RANBP2: variants seen among roughly 807,000 people sequenced by gnomAD.
The protein encoded by RANBP2 is RAN binding protein 2, also known as E3 SUMO-protein ligase RanBP2.
RANBP2 carries 57 observed loss-of-function variants against 303.6 expected under a neutral mutation model. That is an observed-to-expected ratio of 0.19 (90% CI 0.15 to 0.23). RANBP2 has a LOEUF of 0.23. Among genes scored for constraint, RANBP2 ranks in the 10% least tolerant of loss-of-function variants. The pLI is 1.00. For synonymous variants in RANBP2, 1,167 were observed against 1,301.5 expected, an observed-to-expected ratio of 0.90 and a Z score of 2.23; for missense variants, 3,138 against 3,780.8, an observed-to-expected ratio of 0.83 and a Z score of 4.46.
the RANBP2 span, among the ~76,000 whole-genome samples, chr2:108,795,150 A>ATTTTTTT: frequency 6.1e-3 from 519 of 84,998 alleles, 7 homozygotes; most frequent in East Asian, 7.7e-3. Flanking sequence ...TCTAAAGTGT[A>ATTTTTTT]TTTTTTTTTT....
At chr2:109,607,483 C>G in the RANBP2 span, among the ~76,000 whole-genome samples, 4 of 151,950 alleles carry the variant, frequency 2.6e-5, no homozygotes, top group Non-Finnish European at 5.9e-5. Context: ...CTTGGGAGGA[C>G]AAAAATAAAT....
the RANBP2 span, among the ~76,000 whole-genome samples, chr2:109,105,273 A>G: frequency 6.6e-6 from 1 of 152,220 alleles, no homozygotes; most frequent in African/African-American, 2.4e-5. Context: ...CTCTAGGAAC[A>G]CTTGACTGGG....
At chr2:109,673,265 C>T in the RANBP2 span, among the ~76,000 whole-genome samples, 4 of 152,132 alleles carry the variant, frequency 2.6e-5, no homozygotes, top group African/African-American at 9.7e-5. Context: ...GGGGACAGTA[C>T]TAAGTGTTTC....
chr2:109,568,090 C>G, the RANBP2 span: 1 of 795,776 alleles, frequency 1.3e-6, no homozygotes, highest in Admixed American at 2.9e-5. Context: ...AAACCTAGAT[C>G]GGGGGGCTGG....
chr2:109,578,626 G>A, the RANBP2 span, among the ~76,000 whole-genome samples: 1 of 152,072 alleles, frequency 6.6e-6, no homozygotes, highest in Non-Finnish European at 1.5e-5. Flanking sequence ...AATTAGCTCG[G>A]AGTGCTGGTG....
At chr2:109,288,518 G>A in the RANBP2 span, among the ~76,000 whole-genome samples, 4 of 152,282 alleles carry the variant, frequency 2.6e-5, no homozygotes, top group East Asian at 7.7e-4. Flanking sequence ...CACCCCAGGT[G>A]ACCTCTCAAA....
At chr2:109,004,886 C>T in the RANBP2 span, among the ~76,000 whole-genome samples, 1 of 152,216 alleles carries the variant, frequency 6.6e-6, no homozygotes, top group African/African-American at 2.4e-5. Context: ...CCTCCCTCTC[C>T]TAATTATTGA....
the RANBP2 span, among the ~76,000 whole-genome samples, chr2:108,863,423 G>C: frequency 1.3e-5 from 2 of 152,136 alleles, no homozygotes; most frequent in Non-Finnish European, 2.9e-5. Flanking sequence ...TAGATGTGTG[G>C]TGTTTTCAAA....
chr2:109,614,774 G>A, the RANBP2 span: 1 of 1,478,192 alleles, frequency 6.8e-7, no homozygotes, highest in South Asian at 1.3e-5. Context: ...GGGACCCGCC[G>A]CGAATCCAGG....
the RANBP2 span, among the ~76,000 whole-genome samples, chr2:109,448,918 C>G: frequency 3.3e-5 from 5 of 152,162 alleles, no homozygotes; most frequent in Non-Finnish European, 2.9e-5. Flanking sequence ...TTTAGCTCCA[C>G]CTGAGGAAAG....
the RANBP2 span, among the ~76,000 whole-genome samples, chr2:109,148,867 T>C: frequency 2.5e-4 from 38 of 151,974 alleles, no homozygotes; most frequent in Admixed American, 4.6e-4. Flanking sequence ...GTATTTTAGG[T>C]GAATTCATGG....
the RANBP2 span, among the ~76,000 whole-genome samples, chr2:109,303,416 T>G: frequency 6.6e-6 from 1 of 152,224 alleles, no homozygotes; most frequent in Non-Finnish European, 1.5e-5. Flanking sequence ...ACACTATATT[T>G]TTAATGTAGG....
At chr2:108,725,958 T>C (rs1253036180) in intron 1 of RANBP2, among the ~76,000 whole-genome samples, 1 of 152,182 alleles carries the variant, frequency 6.6e-6, no homozygotes, top group Non-Finnish European at 1.5e-5. Context: ...GGCATTTTTT[T>C]CTTTTAGATG....
rs750299433 is a variant in RANBP2 at position 108,782,509 on chromosome 2, C to G, written c.9035-19C>G. Reference sequence around the variant, plus strand: ...ATTTTAATACTAAGGTCACTGCTTCCCCTTTCCCTCCCTGCCAGATGGAGA... The same window carrying G: ...ATTTTAATACTAAGGTCACTGCTTCGCCTTTCCCTCCCTGCCAGATGGAGA... On this transcript the variant is annotated intron_variant, in intron 27 of 28. Transcript: ENST00000283195. 2.5e-6 allele frequency: 4 copies of G among 1,613,778 alleles called. No individual in the cohort carries two copies. The East Asian group carries it at 8.9e-5, about 36-fold the overall frequency.
the RANBP2 span, among the ~76,000 whole-genome samples, chr2:108,924,015 C>T: frequency 6.6e-6 from 1 of 152,254 alleles, no homozygotes; most frequent in Non-Finnish European, 1.5e-5. Context: ...TGCAGGTGGC[C>T]CTCATGATAG....
the RANBP2 span, among the ~76,000 whole-genome samples, chr2:109,418,935 G>C: frequency 6.6e-6 from 1 of 152,000 alleles, no homozygotes. Flanking sequence ...TCCTCCCTCG[G>C]CCCCCCCACT....
chr2:109,711,369 C>T, the RANBP2 span, among the ~76,000 whole-genome samples: 2 of 152,116 alleles, frequency 1.3e-5, no homozygotes, highest in Non-Finnish European at 2.9e-5. Context: ...TGCCCCTCCC[C>T]TGGGACCCTG....
At chr2:109,318,764 A>G in the RANBP2 span, among the ~76,000 whole-genome samples, 97 of 152,278 alleles carry the variant, frequency 6.4e-4, no homozygotes, top group Middle Eastern at 3.4e-3. Flanking sequence ...TCCAATCTAA[A>G]GACAAAGCAT....
chr2:108,782,033 C>A, intron 26 of RANBP2, 95 bp from the exon 27 acceptor site: 2 of 1,423,344 alleles, frequency 1.4e-6, no homozygotes, highest in Non-Finnish European at 1.9e-6. Flanking sequence ...TTTGTCATCA[C>A]AAAGAAAATG....
Sources: gnomAD v4.1 joint callset for allele counts (sites outside exome capture counted in the v4.1 genomes callset) on GRCh38, gnomAD v4.1.1 for gene constraint, MANE v1.5 for transcripts, NCBI Gene and HGNC (gene_info 2026-07-23, HGNC 2026-07-21) for gene names.